EEFSEC: variants seen among roughly 807,000 people sequenced by gnomAD.
EEFSEC encodes the protein selenocysteine-specific elongation factor.
In EEFSEC, 43 loss-of-function variants were observed where a neutral mutation model predicts 42.1. The ratio of observed to expected loss-of-function variants is 1.02; its 90% CI spans 0.80 to 1.32. The LOEUF (loss-of-function observed/expected upper bound fraction) is 1.32. Ranked by LOEUF, EEFSEC falls within the 40% of genes most tolerant of loss-of-function variation. EEFSEC has a pLI of 0.00. For synonymous variants in EEFSEC, 354 were observed against 339.1 expected (o/e 1.04, Z -0.48); for missense variants, 745 against 803.6 (o/e 0.93, Z 0.88).
At chr3:128,384,911 T>C (rs965815387) in intron 6 of EEFSEC, among the ~76,000 whole-genome samples, 1 of 152,158 alleles carries the variant, frequency 6.6e-6, no homozygotes, top group African/African-American at 2.4e-5. Flanking sequence ...AAAGCAGCAG[T>C]GGTGGGACAG....
At chr3:128,318,177 G>A (rs543839586) in intron 4 of EEFSEC, among the ~76,000 whole-genome samples, 13 of 152,378 alleles carry the variant, frequency 8.5e-5, no homozygotes, top group African/African-American at 2.9e-4. Context: ...GCGCCCTCCC[G>A]TGATGGACTG....
At chr3:128,207,614 G>A (rs1056810448) in intron 1 of EEFSEC, among the ~76,000 whole-genome samples, 2 of 149,088 alleles carry the variant, frequency 1.3e-5, no homozygotes, top group African/African-American at 5.0e-5. Context: ...CGCTTAACAA[G>A]ATAAGGATAA....
At chr3:128,242,148 C>G (rs952854267) in intron 1 of EEFSEC, among the ~76,000 whole-genome samples, 4 of 151,916 alleles carry the variant, frequency 2.6e-5, no homozygotes, top group African/African-American at 4.8e-5. Flanking sequence ...AAGACTCCAC[C>G]TCTACAAAAA....
chr3:128,181,756 T>C (rs114055708), intron 1 of EEFSEC, among the ~76,000 whole-genome samples: 60 of 152,324 alleles, frequency 3.9e-4, no homozygotes, highest in African/African-American at 1.4e-3. Context: ...ACATGAGCAA[T>C]ACAGGGTTAA....
intron 1 of EEFSEC, among the ~76,000 whole-genome samples, chr3:128,245,056 T>C (rs2066113307): frequency 6.6e-6 from 1 of 152,258 alleles, no homozygotes; most frequent in Non-Finnish European, 1.5e-5. Flanking sequence ...TATGTGCCTC[T>C]GCAGAGGTTA....
chr3:128,210,510 G>A (rs892099597), intron 1 of EEFSEC, among the ~76,000 whole-genome samples: 4 of 152,140 alleles, frequency 2.6e-5, no homozygotes, highest in African/African-American at 7.2e-5. Context: ...CTTTTTCGAC[G>A]GTGAAAAATT....
chr3:128,310,917 A>T (rs2066883449), intron 4 of EEFSEC, among the ~76,000 whole-genome samples: 1 of 152,210 alleles, frequency 6.6e-6, no homozygotes, highest in African/African-American at 2.4e-5. Context: ...TGACTATTAC[A>T]GTGGCAGTGG....
chr3:128,275,432 A>G (rs935195428), intron 4 of EEFSEC, among the ~76,000 whole-genome samples: 19 of 152,224 alleles, frequency 1.2e-4, no homozygotes, highest in African/African-American at 4.6e-4. Context: ...ACACCCATGA[A>G]GCCAGCCCTG....
intron 1 of EEFSEC, among the ~76,000 whole-genome samples, chr3:128,211,802 C>T (rs2065758758): frequency 2.0e-5 from 3 of 150,602 alleles, no homozygotes; most frequent in Admixed American, 2.0e-4. Flanking sequence ...AGGCGTGAGC[C>T]ACCACACCTG....
chr3:128,275,408 T>C (rs2066457854), intron 4 of EEFSEC, among the ~76,000 whole-genome samples: 2 of 152,264 alleles, frequency 1.3e-5, no homozygotes, highest in Non-Finnish European at 2.9e-5. Context: ...CAGGGCTGTG[T>C]GACCTCAGCT....
rs182275290 is a variant in EEFSEC at position 128,188,490 on chromosome 3, C to A, written c.316+34667C>A. Among the ~76,000 whole-genome samples, 4 of 152,248 alleles carry A rather than the reference C, an allele frequency of 2.6e-5. No individual in the cohort carries two copies. In the East Asian group the frequency reaches 7.7e-4, roughly 29 times the overall value. Reference sequence around the variant, plus strand: ...GGATTCCTGGCTAGCTGCCATGTTGCCCTCAGGCAAAAGTTTGGCGGCCTT... The same window carrying A: ...GGATTCCTGGCTAGCTGCCATGTTGACCTCAGGCAAAAGTTTGGCGGCCTT... On this transcript the variant is annotated intron_variant, in intron 1 of 6. Coordinates refer to ENST00000254730, the MANE Select transcript of EEFSEC (RefSeq NM_021937.5).
intron 1 of EEFSEC, among the ~76,000 whole-genome samples, chr3:128,191,026 G>A (rs573219965): frequency 2.6e-5 from 4 of 152,212 alleles, no homozygotes; most frequent in African/African-American, 7.2e-5. Context: ...ACACAACCTA[G>A]GTGTGTGGTA....
At chr3:128,162,586 G>A (rs1352886586) in intron 1 of EEFSEC, among the ~76,000 whole-genome samples, 1 of 152,148 alleles carries the variant, frequency 6.6e-6, no homozygotes, top group East Asian at 1.9e-4. Context: ...TGGGAGTAGC[G>A]CAACATCAGA....
At chr3:128,382,042 C>T (rs2067782515) in intron 6 of EEFSEC, among the ~76,000 whole-genome samples, 1 of 152,196 alleles carries the variant, frequency 6.6e-6, no homozygotes. Flanking sequence ...TGTGAAGCCA[C>T]TTCCCAGGTG....
At chr3:128,269,406 C>T (rs1313827302) in intron 4 of EEFSEC, among the ~76,000 whole-genome samples, 1 of 152,248 alleles carries the variant, frequency 6.6e-6, no homozygotes, top group Non-Finnish European at 1.5e-5. Flanking sequence ...GCCTGAGGTT[C>T]AGAACTCCTG....
At chr3:128,335,850 C>T (rs1484430033) in intron 4 of EEFSEC, among the ~76,000 whole-genome samples, 2 of 152,204 alleles carry the variant, frequency 1.3e-5, no homozygotes, top group African/African-American at 4.8e-5. Flanking sequence ...GACCCTGTCT[C>T]CTGATGGCTG....
intron 6 of EEFSEC, among the ~76,000 whole-genome samples, chr3:128,359,539 C>G (rs1038165762): frequency 6.6e-6 from 1 of 152,176 alleles, no homozygotes; most frequent in African/African-American, 2.4e-5. Context: ...GCCACCACCC[C>G]CAGCTCCCCA....
At chr3:128,166,076 TC>T (rs2065239976) in intron 1 of EEFSEC, among the ~76,000 whole-genome samples, 1 of 152,244 alleles carries the variant, frequency 6.6e-6, no homozygotes, top group Admixed American at 6.5e-5. Context: ...GAGATGATCT[TC>T]AGAACTTACG....
chr3:128,343,417 C>T (rs1019150068), intron 5 of EEFSEC, among the ~76,000 whole-genome samples: 9 of 152,152 alleles, frequency 5.9e-5, no homozygotes, highest in African/African-American at 2.2e-4. Flanking sequence ...CAACCCCTTC[C>T]TCTCCCTTCC....
Sources: gnomAD v4.1 joint callset for allele counts (sites outside exome capture counted in the v4.1 genomes callset) on GRCh38, gnomAD v4.1.1 for gene constraint, MANE v1.5 for transcripts, NCBI Gene and HGNC (gene_info 2026-07-23, HGNC 2026-07-21) for gene names.